PPP3CA: variants seen among roughly 807,000 people sequenced by gnomAD.
The protein encoded by PPP3CA is CAM-PRP catalytic subunit.
In PPP3CA, 14 loss-of-function variants were observed where a neutral mutation model predicts 66.5. The observed-to-expected ratio is 0.21, with a 90% CI of 0.14 to 0.33. PPP3CA has a LOEUF of 0.33. Among genes scored for constraint, PPP3CA ranks in the 10% least tolerant of loss-of-function variants. PPP3CA has a pLI of 1.00. For synonymous variants in PPP3CA, 232 were observed against 226.2 expected (o/e 1.03, Z -0.23); for missense variants, 317 against 639.5 (o/e 0.50, Z 5.44).
At chr4:101,315,338 G>A (rs1401602303) in intron 1 of PPP3CA, among the ~76,000 whole-genome samples, 6 of 152,140 alleles carry the variant, frequency 3.9e-5, no homozygotes, top group Non-Finnish European at 5.9e-5. Flanking sequence ...TTTTGTTAGA[G>A]CAACCCAAAT....
intron 1 of PPP3CA, among the ~76,000 whole-genome samples, chr4:101,313,253 C>T (rs1161610136): frequency 6.6e-6 from 1 of 152,040 alleles, no homozygotes. Flanking sequence ...TCTGAAACTC[C>T]TGTCCTGAAA....
At chr4:101,062,834 C>A (rs1728527160) in intron 9 of PPP3CA, among the ~76,000 whole-genome samples, 1 of 151,896 alleles carries the variant, frequency 6.6e-6, no homozygotes, top group African/African-American at 2.4e-5. Context: ...GAGAGCATGG[C>A]TATCCTAATC....
At chr4:101,114,631 T>C (rs1190115040) in intron 2 of PPP3CA, among the ~76,000 whole-genome samples, 12 of 152,106 alleles carry the variant, frequency 7.9e-5, no homozygotes, top group Non-Finnish European at 1.8e-4. Context: ...AATACATATC[T>C]TCTGCCTAAA....
chr4:101,339,479 T>A (rs1729738763), intron 1 of PPP3CA, among the ~76,000 whole-genome samples: 1 of 152,208 alleles, frequency 6.6e-6, no homozygotes, highest in Non-Finnish European at 1.5e-5. Context: ...TGAGTTCAAG[T>A]GACCGAACAG....
intron 1 of PPP3CA, among the ~76,000 whole-genome samples, chr4:101,235,452 C>CACACAT (rs1457471717): frequency 6.6e-6 from 1 of 151,386 alleles, no homozygotes; most frequent in Non-Finnish European, 1.5e-5. Flanking sequence ...CACACACACA[C>CACACAT]ACAGAATGGA....
intron 8 of PPP3CA, among the ~76,000 whole-genome samples, chr4:101,074,654 T>G (rs1262510261): frequency 6.6e-6 from 1 of 152,216 alleles, no homozygotes; most frequent in Non-Finnish European, 1.5e-5. Flanking sequence ...AGAAATTCTC[T>G]TTTTATTTAT....
intron 1 of PPP3CA, among the ~76,000 whole-genome samples, chr4:101,275,665 G>C (rs1039217364): frequency 6.6e-6 from 1 of 152,040 alleles, no homozygotes; most frequent in African/African-American, 2.4e-5. Flanking sequence ...ATTTAACAAA[G>C]GTCACATTTT....
intron 2 of PPP3CA, among the ~76,000 whole-genome samples, chr4:101,147,319 A>C (rs910831548): frequency 6.6e-6 from 1 of 152,150 alleles, no homozygotes; most frequent in Non-Finnish European, 1.5e-5. Flanking sequence ...TTTACTGTAA[A>C]AGGTTGCCAT....
intron 1 of PPP3CA, among the ~76,000 whole-genome samples, chr4:101,216,359 T>C (rs116183171): frequency 2.0e-3 from 298 of 152,246 alleles, no homozygotes; most frequent in African/African-American, 7.0e-3. Context: ...ACCATAATTA[T>C]ACACTTTTGA....
intron 2 of PPP3CA, among the ~76,000 whole-genome samples, chr4:101,129,806 G>C (rs1438152071): frequency 6.6e-6 from 1 of 152,070 alleles, no homozygotes; most frequent in Non-Finnish European, 1.5e-5. Flanking sequence ...AGTGCAAAAA[G>C]GCTGAAAATT....
intron 2 of PPP3CA, among the ~76,000 whole-genome samples, chr4:101,137,465 C>T (rs751240058): frequency 3.9e-5 from 6 of 151,954 alleles, no homozygotes; most frequent in East Asian, 1.9e-4. Context: ...GGTGTGAGAA[C>T]GCAAATAAAC....
At chr4:101,043,797 C>T (rs1232353766) in intron 10 of PPP3CA, among the ~76,000 whole-genome samples, 2 of 152,098 alleles carry the variant, frequency 1.3e-5, no homozygotes, top group Non-Finnish European at 2.9e-5. Context: ...ATCGGTTGAA[C>T]CTGGGAGGCA....
chr4:101,254,891 G>A (rs1051742037), intron 1 of PPP3CA, among the ~76,000 whole-genome samples: 3 of 151,768 alleles, frequency 2.0e-5, no homozygotes, highest in African/African-American at 4.8e-5. Flanking sequence ...GAAAGTAAAC[G>A]CTGTGTCCAA....
intron 1 of PPP3CA, among the ~76,000 whole-genome samples, chr4:101,275,287 G>C (rs552162409): frequency 2.2e-4 from 33 of 152,186 alleles, no homozygotes; most frequent in Non-Finnish European, 4.6e-4. Context: ...TGGTTTAGTT[G>C]TCACTTCTCA....
chr4:101,213,051 A>G (rs2110206727), intron 1 of PPP3CA, among the ~76,000 whole-genome samples: 1 of 152,292 alleles, frequency 6.6e-6, no homozygotes, highest in East Asian at 1.9e-4. Context: ...TTCAGAAAGT[A>G]CACTATAAAC....
intron 1 of PPP3CA, among the ~76,000 whole-genome samples, chr4:101,336,288 T>C (rs1372387915): frequency 6.6e-6 from 1 of 151,340 alleles, no homozygotes; most frequent in East Asian, 2.0e-4. Flanking sequence ...ACAAGAAAGC[T>C]GGCCGGCCGC....
chr4:101,157,636 T>C lies in PPP3CA; in HGVS notation c.259+38280A>G, dbSNP rs542032107. ...AATCAAAGTTCTTAAAGGCTGATGATGCAAGTGAACTCCTGTCTGGCAGAA... is the reference window on the plus strand; with the variant it reads ...AATCAAAGTTCTTAAAGGCTGATGACGCAAGTGAACTCCTGTCTGGCAGAA... On this transcript the variant is annotated intron_variant, in intron 2 of 13. Coordinates refer to ENST00000394854, the MANE Select transcript of PPP3CA (RefSeq NM_000944.5). Among the ~76,000 whole-genome samples the C allele has an allele frequency of 3.9e-5, 6 of 152,298 alleles. No homozygotes were observed. In the South Asian group the frequency reaches 1.2e-3, roughly 32 times the overall value.
intron 2 of PPP3CA, among the ~76,000 whole-genome samples, chr4:101,138,300 A>C (rs1170427562): frequency 6.6e-6 from 1 of 152,162 alleles, no homozygotes; most frequent in Non-Finnish European, 1.5e-5. Flanking sequence ...TTAAGTGCAT[A>C]ATTTTTGGGT....
At chr4:101,240,256 TAG>T in intron 1 of PPP3CA, among the ~76,000 whole-genome samples, 1 of 152,136 alleles carries the variant, frequency 6.6e-6, no homozygotes, top group South Asian at 2.1e-4. Context: ...ATATATGCAA[TAG>T]AGTTCCTCCA....
Sources: allele counts gnomAD v4.1 joint callset (sites outside exome capture counted in the v4.1 genomes callset), GRCh38; gene constraint gnomAD v4.1.1; transcripts MANE v1.5; gene names NCBI Gene and HGNC (gene_info 2026-07-23, HGNC 2026-07-21).